CNTNAP2: variants seen among roughly 807,000 people sequenced by gnomAD.
CNTNAP2 encodes contactin-associated protein-like 2.
CNTNAP2 carries 98 observed loss-of-function variants against 155.2 expected under a neutral mutation model. The ratio of observed to expected loss-of-function variants is 0.63; its 90% CI spans 0.54 to 0.75. CNTNAP2 has a LOEUF of 0.75. CNTNAP2 is among the 30% of genes least tolerant of loss of function. The pLI, the probability that CNTNAP2 is intolerant of heterozygous loss-of-function variation, is 0.00. For synonymous variants in CNTNAP2, 651 were observed against 631.2 expected, an observed-to-expected ratio of 1.03 and a Z score of -0.47; for missense variants, 1,727 against 1,688.1, an observed-to-expected ratio of 1.02 and a Z score of -0.40.
intron 13 of CNTNAP2, among the ~76,000 whole-genome samples, chr7:147,813,373 A>G (rs149686051): frequency 2.5e-4 from 38 of 152,332 alleles, no homozygotes; most frequent in Non-Finnish European, 4.9e-4. Flanking sequence ...GCCTTTTTAG[A>G]TGAAAAAGAT....
At chr7:147,763,691 A>G (rs1162530901) in intron 13 of CNTNAP2, among the ~76,000 whole-genome samples, 3 of 152,208 alleles carry the variant, frequency 2.0e-5, no homozygotes, top group Non-Finnish European at 2.9e-5. Context: ...GGGCAAGCCA[A>G]GCCCTTCTTG....
chr7:147,423,764 AC>A (rs1218943554), intron 10 of CNTNAP2, among the ~76,000 whole-genome samples: 3 of 152,140 alleles, frequency 2.0e-5, no homozygotes, highest in African/African-American at 7.2e-5. Context: ...ATTAACTACA[AC>A]TACTCCATAA....
At chr7:146,359,686 A>T (rs1488069380) in intron 1 of CNTNAP2, among the ~76,000 whole-genome samples, 3 of 152,236 alleles carry the variant, frequency 2.0e-5, no homozygotes, top group Admixed American at 6.5e-5. Context: ...AAATAATGTT[A>T]ATATTAATCT....
chr7:146,730,793 C>T (rs1438878627), intron 1 of CNTNAP2, among the ~76,000 whole-genome samples: 3 of 152,090 alleles, frequency 2.0e-5, no homozygotes, highest in Admixed American at 6.6e-5. Context: ...ACTTGTCATC[C>T]TTGTTTTTAT....
intron 1 of CNTNAP2, among the ~76,000 whole-genome samples, chr7:146,765,602 A>C (rs2129184617): frequency 6.6e-6 from 1 of 152,284 alleles, no homozygotes; most frequent in African/African-American, 2.4e-5. Flanking sequence ...CACATCAGGC[A>C]CCTGCCTTCC....
chr7:148,410,873 G>A (rs6952875), intron 23 of CNTNAP2, among the ~76,000 whole-genome samples: 86,813 of 151,346 alleles, frequency 0.57, 25,550 homozygotes, highest in African/African-American at 0.66. Context: ...TTCCGGGTTT[G>A]CTAGCAGGGT....
chr7:147,792,976 C>A (rs572059807), intron 13 of CNTNAP2, among the ~76,000 whole-genome samples: 1 of 151,986 alleles, frequency 6.6e-6, no homozygotes, highest in Non-Finnish European at 1.5e-5. Flanking sequence ...ATGTGTTTAT[C>A]GGCCATTTGT....
chr7:147,855,431 C>A (rs992135447), intron 13 of CNTNAP2, among the ~76,000 whole-genome samples: 11 of 152,088 alleles, frequency 7.2e-5, no homozygotes, highest in Non-Finnish European at 1.6e-4. Flanking sequence ...GATGCTTCTT[C>A]TCCTACTCTT....
chr7:147,748,729 T>G (rs542074324), intron 13 of CNTNAP2, among the ~76,000 whole-genome samples: 1 of 152,296 alleles, frequency 6.6e-6, no homozygotes, highest in East Asian at 1.9e-4. Flanking sequence ...AGGGCTCTGA[T>G]GGGCCCATCT....
chr7:146,522,962 T>A (rs966431100), intron 1 of CNTNAP2, among the ~76,000 whole-genome samples: 1 of 151,850 alleles, frequency 6.6e-6, no homozygotes, highest in Non-Finnish European at 1.5e-5. Context: ...TAGAATGATA[T>A]CTATTATTTT....
intron 2 of CNTNAP2, among the ~76,000 whole-genome samples, chr7:146,824,035 C>T (rs929251496): frequency 1.3e-5 from 2 of 152,128 alleles, no homozygotes; most frequent in African/African-American, 4.8e-5. Flanking sequence ...CTCCCTCCCC[C>T]AGCCCTCCAA....
At position 146,710,632 on chromosome 7, in the gene CNTNAP2, C is replaced by T. The variant is rs1036084424; in HGVS notation, c.98-63639C>T. Among the ~76,000 whole-genome samples the T allele has an allele frequency of 1.5e-4, 23 of 152,104 alleles. 1 individual carries two copies. The highest frequency in any genetic ancestry group is 6.6e-5 in the Admixed American group (1 of 15,240). On this transcript the variant is annotated intron_variant, in intron 1 of 23. Transcript: ENST00000361727. Reference sequence around the variant, plus strand: ...AGCACTCTGAGGCATTATCCTTCCTCACCACTAATGCACTTCTGATTTTTT... The same window carrying T: ...AGCACTCTGAGGCATTATCCTTCCTTACCACTAATGCACTTCTGATTTTTT...
chr7:147,809,419 C>T (rs887888846), intron 13 of CNTNAP2, among the ~76,000 whole-genome samples: 4 of 152,112 alleles, frequency 2.6e-5, no homozygotes, highest in African/African-American at 9.7e-5. Flanking sequence ...TTATTTCCTC[C>T]TTTTAAATGA....
At chr7:148,063,713 T>C (rs914549766) in intron 15 of CNTNAP2, among the ~76,000 whole-genome samples, 5 of 152,006 alleles carry the variant, frequency 3.3e-5, no homozygotes, top group Admixed American at 1.3e-4. Context: ...TCTTTTGAGG[T>C]ACAGAAGCTT....
At chr7:146,399,581 C>T (rs1276051259) in intron 1 of CNTNAP2, among the ~76,000 whole-genome samples, 1 of 152,152 alleles carries the variant, frequency 6.6e-6, no homozygotes, top group Non-Finnish European at 1.5e-5. Context: ...TGTTGATGGA[C>T]ACTTAGGTTA....
At chr7:147,164,984 A>C (rs900945447) in intron 8 of CNTNAP2, among the ~76,000 whole-genome samples, 2 of 152,208 alleles carry the variant, frequency 1.3e-5, no homozygotes, top group Non-Finnish European at 2.9e-5. Context: ...GAATGACTGA[A>C]TCTTATAAGA....
intron 2 of CNTNAP2, among the ~76,000 whole-genome samples, chr7:146,820,472 G>A (rs967209289): frequency 7.2e-5 from 11 of 152,060 alleles, no homozygotes; most frequent in East Asian, 5.8e-4. Flanking sequence ...GTAGTTGAGC[G>A]GTTTTGAGTG....
chr7:146,398,184 CTTTT>C (rs34144986), intron 1 of CNTNAP2, among the ~76,000 whole-genome samples: 1 of 107,048 alleles, frequency 9.3e-6, no homozygotes, highest in African/African-American at 4.1e-5. Context: ...CGGCCCCAAA[CTTTT>C]TTTTTTTTTT....
Position 146,389,900 on chromosome 7 carries a change from C to T in CNTNAP2, c.97+272927C>T, listed in dbSNP as rs543296311. Among the ~76,000 whole-genome samples, 4 of 151,858 alleles carry T rather than the reference C, an allele frequency of 2.6e-5. No individual in the cohort carries two copies. In the East Asian group the frequency reaches 7.8e-4, roughly 30 times the overall value. ...ATTTTTAGTAGAGACAGGATTCCAC[C>T]ATGTTGGCCAGGCTGATCTCAAACT... On this transcript the variant is annotated intron_variant, in intron 1 of 23. Transcript: ENST00000361727.
Sources: gnomAD v4.1 joint callset for allele counts (sites outside exome capture counted in the v4.1 genomes callset) on GRCh38, gnomAD v4.1.1 for gene constraint, MANE v1.5 for transcripts, NCBI Gene and HGNC (gene_info 2026-07-23, HGNC 2026-07-21) for gene names.